DHRS4L2: variants seen among roughly 807,000 people sequenced by gnomAD.
The protein encoded by DHRS4L2 is dehydrogenase/reductase SDR family member 4-like 2.
Under a neutral mutation model 23.9 loss-of-function variants are expected in DHRS4L2, and 22 were observed. That is an observed-to-expected ratio of 0.92 (90% CI 0.66 to 1.31). The LOEUF is 1.31. Among genes scored for constraint, DHRS4L2 ranks in the 40% most tolerant of loss-of-function variants. DHRS4L2 has a pLI of 0.00. For synonymous variants in DHRS4L2, 141 were observed against 123.7 expected (o/e 1.14, Z -0.93); for missense variants, 385 against 303.3 (o/e 1.27, Z -2.00).
chr14:23,987,228 T>C, upstream of DHRS4L2: 1 of 360,792 alleles, frequency 2.8e-6, no homozygotes, highest in Non-Finnish European at 5.6e-6. Context: ...CATCCCGTGT[T>C]CATGCCATTC....
chr14:23,977,072 G>T (rs1479992177), intron 1 of DHRS4L2, among the ~76,000 whole-genome samples: 1 of 151,780 alleles, frequency 6.6e-6, no homozygotes, highest in Non-Finnish European at 1.5e-5. Context: ...CCTGCACGTT[G>T]TGCACATGTG....
chr14:23,995,240 T>C, intron 3 of DHRS4L2, 107 bp downstream of exon 3: 3 of 1,319,614 alleles, frequency 2.3e-6, no homozygotes, highest in Non-Finnish European at 3.2e-6. Context: ...ATGTGAGGAC[T>C]CTTTGCCACG....
chr14:23,985,872 G>A (rs1227230042), upstream of DHRS4L2, among the ~76,000 whole-genome samples: 1 of 151,348 alleles, frequency 6.6e-6, no homozygotes, highest in Admixed American at 6.6e-5. Flanking sequence ...ATGCCACCAG[G>A]CATGTATTTT....
chr14:23,972,559 G>T (rs1318978664), intron 1 of DHRS4L2, among the ~76,000 whole-genome samples: 1 of 151,910 alleles, frequency 6.6e-6, no homozygotes, highest in Non-Finnish European at 1.5e-5. Context: ...ACCCAAGCGG[G>T]TTGCTACTGC....
upstream of DHRS4L2, among the ~76,000 whole-genome samples, chr14:23,983,997 G>C (rs1488322672): frequency 2.0e-5 from 3 of 151,176 alleles, no homozygotes; most frequent in Non-Finnish European, 2.9e-5. Flanking sequence ...AAACCTGCAA[G>C]TTCTGCACAT....
At chr14:23,970,586 G>A (rs1372126199) in intron 1 of DHRS4L2, among the ~76,000 whole-genome samples, 1 of 152,116 alleles carries the variant, frequency 6.6e-6, no homozygotes, top group Non-Finnish European at 1.5e-5. Context: ...AGACTTCAGT[G>A]TCCTTGCCTG....
chr14:23,986,337 A>G (rs1243251556), upstream of DHRS4L2, among the ~76,000 whole-genome samples: 7 of 151,314 alleles, frequency 4.6e-5, no homozygotes, highest in East Asian at 9.7e-4. Flanking sequence ...GGTGGGGAAC[A>G]TCACACACTG....
intron 3 of DHRS4L2, among the ~76,000 whole-genome samples, chr14:23,999,893 C>T (rs1437858236): frequency 7.2e-5 from 9 of 124,870 alleles, no homozygotes; most frequent in Non-Finnish European, 1.1e-4. Flanking sequence ...CGAGGTTTGC[C>T]ATGTTGCCCA....
rs144450400 is a variant in DHRS4L2, at chr14:23,993,840, T to C, written c.307-1192T>C. Among the ~76,000 whole-genome samples the C allele has an allele frequency of 5.9e-4, 90 of 151,778 alleles. 3 individuals carry two copies. The highest frequency in any genetic ancestry group is 6.8e-3 in the Middle Eastern group (2 of 294). ...TCCCATCATGGCTCTCCTGGGCAGC[T>C]GGTTTACTAATGACCCCAACTCACT... On this transcript the variant is annotated intron_variant, in intron 2 of 7. Transcript: ENST00000335125.
upstream of DHRS4L2, among the ~76,000 whole-genome samples, chr14:23,984,621 C>G (rs1041332256): frequency 1.3e-5 from 2 of 150,950 alleles, no homozygotes; most frequent in African/African-American, 4.9e-5. Flanking sequence ...ATGGTGAAAC[C>G]CCATCTCTAC....
At chr14:23,974,492 G>T (rs2033928831) in intron 1 of DHRS4L2, among the ~76,000 whole-genome samples, 1 of 149,790 alleles carries the variant, frequency 6.7e-6, no homozygotes, top group Non-Finnish European at 1.5e-5. Context: ...TCAACAAAAT[G>T]GACTGCTAGC....
chr14:24,001,610 C>G, intron 6 of DHRS4L2, 93 bp downstream of exon 6: 1 of 1,523,590 alleles, frequency 6.6e-7, no homozygotes, highest in Non-Finnish European at 8.8e-7. Flanking sequence ...CCTGAGCTCT[C>G]AGCCACTCCA....
chr14:23,997,989 C>T (rs1566499186), intron 3 of DHRS4L2, among the ~76,000 whole-genome samples: 1 of 151,700 alleles, frequency 6.6e-6, no homozygotes, highest in Non-Finnish European at 1.5e-5. Context: ...AATAATAAGT[C>T]TTGGAAGTCA....
chr14:23,972,817 G>T lies in DHRS4L2; in HGVS notation c.-176+2485G>T, dbSNP rs1430847438. 5.9e-5 allele frequency among the ~76,000 whole-genome samples: 9 copies of T among 151,866 alleles called. No homozygotes were observed. The East Asian group carries it at 1.3e-3, about 23-fold the overall frequency. ...TAGGAGGGCAGGGTGATAATAAGGA[G>T]AAGGTCAGCAACAAACGTGAGCAAT... On this transcript the variant is annotated intron_variant, in intron 1 of 5. Coordinates refer to the DHRS4L2 transcript ENST00000534993.
chr14:23,988,837 G>C (rs373029131), upstream of DHRS4L2: 12 of 1,446,300 alleles, frequency 8.3e-6, no homozygotes, highest in African/African-American at 5.7e-5. Flanking sequence ...CCAGCTGGCC[G>C]AGGGCGGGAA....
upstream of DHRS4L2, among the ~76,000 whole-genome samples, chr14:23,983,877 G>A (rs1443754797): frequency 6.6e-6 from 1 of 151,366 alleles, no homozygotes; most frequent in African/African-American, 2.4e-5. Flanking sequence ...ACCAGGGCCT[G>A]TTGGGTTTAT....
intron 1 of DHRS4L2, among the ~76,000 whole-genome samples, chr14:23,974,434 A>T (rs1028989607): frequency 2.0e-5 from 3 of 151,746 alleles, no homozygotes; most frequent in Non-Finnish European, 2.9e-5. Flanking sequence ...CATTAAAAAA[A>T]AAACCTTCAA....
chr14:23,983,484 A>C (rs1364377253), intron 1 of DHRS4L2, among the ~76,000 whole-genome samples: 1 of 151,674 alleles, frequency 6.6e-6, no homozygotes, highest in African/African-American at 2.4e-5. Context: ...CATTCCTCAA[A>C]GACCTATAAC....
chr14:23,977,685 T>G (rs1008552941), intron 1 of DHRS4L2, among the ~76,000 whole-genome samples: 4 of 151,756 alleles, frequency 2.6e-5, no homozygotes, highest in Non-Finnish European at 4.4e-5. Flanking sequence ...GCTTTCTTAT[T>G]TTTCTTCTTC....
Sources: gnomAD v4.1 joint callset for allele counts (sites outside exome capture counted in the v4.1 genomes callset) on GRCh38, gnomAD v4.1.1 for gene constraint, MANE v1.5 for transcripts, NCBI Gene and HGNC (gene_info 2026-07-23, HGNC 2026-07-21) for gene names.